The following GOLGA4 variants were observed in gnomAD, a reference collection of about 807,000 sequenced individuals.
GOLGA4 encodes golgin subfamily A member 4.
In GOLGA4, 169 loss-of-function variants were observed where a neutral mutation model predicts 265.9. The ratio of observed to expected loss-of-function variants is 0.64; its 90% CI spans 0.56 to 0.72. The LOEUF is 0.72. Ranked by LOEUF, GOLGA4 falls within the 30% of genes least tolerant of loss-of-function variation. GOLGA4 has a pLI of 0.00. For missense variants in GOLGA4, 2,482 were observed against 2,483.4 expected, an observed-to-expected ratio of 1.00 and a Z score of 0.01; for synonymous variants, 923 against 855.8, an observed-to-expected ratio of 1.08 and a Z score of -1.37.
At chr3:37,278,813 C>CT (rs1267375433) in intron 2 of GOLGA4, among the ~76,000 whole-genome samples, 5,699 of 131,358 alleles carry the variant, frequency 0.043, 166 homozygotes, top group South Asian at 0.076. Context: ...AGTTTGTTTA[C>CT]TTTTTTTTTT....
intron 22 of GOLGA4, 69 bp from the exon 23 acceptor site, chr3:37,361,174 A>C: frequency 8.6e-7 from 1 of 1,160,330 alleles, no homozygotes; most frequent in South Asian, 1.2e-5. Context: ...TCATATACAC[A>C]TACAATCTAT....
At chr3:37,307,496 A>T (rs942516836) in intron 10 of GOLGA4, among the ~76,000 whole-genome samples, 1 of 152,208 alleles carries the variant, frequency 6.6e-6, no homozygotes, top group Admixed American at 6.5e-5. Flanking sequence ...ATTTTTGTGC[A>T]TCCACACATG....
chr3:37,313,201 T>G (rs2096927727), intron 10 of GOLGA4, among the ~76,000 whole-genome samples: 1 of 151,756 alleles, frequency 6.6e-6, no homozygotes. Flanking sequence ...AGACTCCATC[T>G]CAAAAGAAAA....
chr3:37,322,605 A>G (rs2096958185), intron 13 of GOLGA4, among the ~76,000 whole-genome samples: 2 of 152,170 alleles, frequency 1.3e-5, no homozygotes, highest in Non-Finnish European at 2.9e-5. Context: ...ATGGACACTT[A>G]GGAGGCCTAG....
Position 37,323,819 on chromosome 3 carries a change from C to T in GOLGA4, c.1933C>T (p.Leu645Phe), listed in dbSNP as rs1294346899. 1.2e-6 allele frequency: 2 copies of T among 1,609,584 alleles called. No homozygotes were observed. Among genetic ancestry groups the T allele is most frequent in the East Asian group, 2.2e-5 (1 of 44,844 alleles). ...KQQYQTEMEK[L>F]REKCEQEKET... ...ACAATATCAGACTGAAATGGAAAAA[C>T]TTAGGGAAAAGTGTGAACAAGAAAA... The change falls in exon 14 of 24, where the codon CTT (leucine) becomes TTT (phenylalanine). Residue 645 changes from leucine to phenylalanine, a missense_variant. Transcript: ENST00000361924.
chr3:37,324,104 A>G lies in GOLGA4; in HGVS notation c.2218A>G (p.Ile740Val), dbSNP rs1559428698. The G allele has an allele frequency of 6.2e-7, 1 of 1,614,180 alleles. No homozygotes were observed. Among genetic ancestry groups the G allele is most frequent in the Non-Finnish European group, 8.5e-7 (1 of 1,180,032 alleles). ...NHHQQQVDSI[I>V]KEHEVSIQRT... is the part of the protein sequence containing the mutation. Reference sequence around the variant, plus strand: ...TCACCAGCAGCAAGTTGACAGTATCATTAAAGAACACGAGGTATCTATCCA... The same window carrying G: ...TCACCAGCAGCAAGTTGACAGTATCGTTAAAGAACACGAGGTATCTATCCA... Residue 740 changes from isoleucine (I) to valine (V), a missense_variant, in exon 14 of 24, where the codon ATT becomes GTT. This residue lies in a region of GOLGA4 where 1,536 missense variants were observed against 1,483.7 expected (regional missense o/e 1.04). Coordinates refer to ENST00000361924, the MANE Select transcript of GOLGA4 (RefSeq NM_002078.5).
intron 11 of GOLGA4, among the ~76,000 whole-genome samples, chr3:37,318,569 T>A (rs79796302): frequency 1.8e-4 from 28 of 152,092 alleles, no homozygotes; most frequent in African/African-American, 4.6e-4. Flanking sequence ...TGTTTTTTTT[T>A]AATATATATT....
In GOLGA4 at chr3:37,254,500, TAAA is replaced by T. The variant is rs893340509; in HGVS notation, c.162+3020_162+3022del. Among the ~76,000 whole-genome samples the T allele has an allele frequency of 6.6e-5, 10 of 152,200 alleles. No individual in the cohort carries two copies. In the East Asian group the frequency reaches 1.5e-3, roughly 23 times the overall value. On this transcript the variant is annotated intron_variant, in intron 2 of 23. Coordinates refer to ENST00000361924, the MANE Select transcript of GOLGA4 (RefSeq NM_002078.5). The stretch of plus-strand genomic sequence containing the variant: ...TGTTTTAAAGATTGTTTTAATTAAT[TAAA>T]AAATTAATTGTTTTAATTAAACAAT...
In GOLGA4 at chr3:37,322,501, A is replaced by G. The variant is rs561279903; in HGVS notation, c.1701+615A>G. 3.9e-5 allele frequency among the ~76,000 whole-genome samples: 6 copies of G among 152,298 alleles called. No individual in the cohort carries two copies. The South Asian group carries it at 1.2e-3, about 32-fold the overall frequency. On this transcript the variant is annotated intron_variant, in intron 13 of 23. Coordinates refer to ENST00000361924, the MANE Select transcript of GOLGA4 (RefSeq NM_002078.5). ...CTTGTTAGCTTTTTTGCTCTGATTT[A>G]GATAGTAAAACAGTCATACTTCTTA...
intron 2 of GOLGA4, among the ~76,000 whole-genome samples, chr3:37,258,337 T>C (rs1375519432): frequency 6.7e-6 from 1 of 148,970 alleles, no homozygotes; most frequent in East Asian, 1.9e-4. Flanking sequence ...TGTCTGTATA[T>C]ATATATGCTC....
At chr3:37,288,865 A>G (rs2096857499) in intron 4 of GOLGA4, among the ~76,000 whole-genome samples, 1 of 152,256 alleles carries the variant, frequency 6.6e-6, no homozygotes, top group Non-Finnish European at 1.5e-5. Flanking sequence ...TGTTCCACAC[A>G]TTATAAGTTT....
At chr3:37,320,911 A>G (rs904659357) in intron 12 of GOLGA4, among the ~76,000 whole-genome samples, 1 of 152,208 alleles carries the variant, frequency 6.6e-6, no homozygotes, top group African/African-American at 2.4e-5. Flanking sequence ...TGGATATTTT[A>G]AAATTAATGC....
At chr3:37,319,038 TATTA>T (rs747832292) in intron 11 of GOLGA4, 21 bp from the exon 12 acceptor site, 84 of 1,532,890 alleles carry the variant, frequency 5.5e-5, no homozygotes, top group Non-Finnish European at 7.1e-5. Flanking sequence ...GGTGTCCTTA[TATTA>T]TCTATTTGGC....
At position 37,336,103 on chromosome 3, in the gene GOLGA4, C is replaced by G. The variant is rs145540885; in HGVS notation, c.6306+937C>G. Among the ~76,000 whole-genome samples, 171 of 152,310 alleles carry G rather than the reference C, an allele frequency of 1.1e-3. 1 individual carries two copies. Among genetic ancestry groups the G allele is most frequent in the Middle Eastern group, 0.01 (3 of 292 alleles). ...GAAAGAGCCTCTATAAAGAGCTTTG[C>G]TACTCTGTGTCACTTGGTAGGCATA... On this transcript the variant is annotated intron_variant, in intron 17 of 23. Coordinates refer to ENST00000361924, the MANE Select transcript of GOLGA4 (RefSeq NM_002078.5).
At chr3:37,266,268 C>A (rs985103008) in intron 2 of GOLGA4, among the ~76,000 whole-genome samples, 1 of 152,012 alleles carries the variant, frequency 6.6e-6, no homozygotes, top group Non-Finnish European at 1.5e-5. Context: ...GGCACGATCT[C>A]GGCTCACTGC....
At chr3:37,247,858 G>A (rs1434245381) in intron 1 of GOLGA4, among the ~76,000 whole-genome samples, 4 of 152,096 alleles carry the variant, frequency 2.6e-5, no homozygotes, top group Non-Finnish European at 4.4e-5. Context: ...TCCTTGCCAC[G>A]TGCCCCTGTA....
At position 37,347,287 on chromosome 3, in the gene GOLGA4, T is replaced by G. The variant is rs530901873; in HGVS notation, c.6567T>G (p.Arg2189=). 36 of 1,572,788 alleles carry G rather than the reference T, an allele frequency of 2.3e-5. No individual in the cohort carries two copies. In the African/African-American group the frequency reaches 2.8e-4, roughly 12 times the overall value. Residue 2189 remains arginine (R), a synonymous_variant, in exon 21 of 24, where the codon CGT becomes CGG. Coordinates refer to ENST00000361924, the MANE Select transcript of GOLGA4 (RefSeq NM_002078.5). ...TGCTTTTTGAGTATATGATGGGTCG[T>G]GAGACTAAGGTATAAATCATGTCTC... ...RKVLFEYMMG[R]ETKTMAKVIT... is the part of the protein sequence containing the mutation.
chr3:37,257,366 T>G (rs1387433173), intron 2 of GOLGA4, among the ~76,000 whole-genome samples: 1 of 152,168 alleles, frequency 6.6e-6, no homozygotes, highest in African/African-American at 2.4e-5. Context: ...GTTTTTGGTG[T>G]TACCTGGATC....
chr3:37,296,108 T>C lies in GOLGA4; in HGVS notation c.703T>C (p.Leu235=). 6.2e-7 allele frequency: 1 copy of C among 1,613,940 alleles called. No homozygotes were observed. Among genetic ancestry groups the C allele is most frequent in the Non-Finnish European group, 8.5e-7 (1 of 1,179,798 alleles). Residue 235 remains leucine (L), a synonymous_variant, in exon 7 of 24, where the codon TTA becomes CTA. Transcript: ENST00000361924. ...QTQVSLLKQR[L]RNGPMNVDVL... ...TTAGGTTTCTCTACTGAAACAACGA[T>C]TACGAAATGGCCCGATGAATGTTGA...
Sources: allele counts gnomAD v4.1 joint callset (sites outside exome capture counted in the v4.1 genomes callset), GRCh38; gene constraint gnomAD v4.1.1; regional missense constraint gnomAD v4.1.1; transcripts MANE v1.5; gene names NCBI Gene and HGNC (gene_info 2026-07-23, HGNC 2026-07-21).